Variants in ZNF714 observed in about 807,000 individuals in gnomAD.
The protein encoded by ZNF714 is zinc finger protein 714.
A neutral mutation model predicts 46.2 loss-of-function variants in ZNF714; 32 were observed. The ratio of observed to expected loss-of-function variants is 0.69; its 90% CI spans 0.52 to 0.93. The LOEUF is 0.93. ZNF714 is among the 40% of genes least tolerant of loss of function. ZNF714 has a pLI of 0.00. For synonymous variants in ZNF714, 199 were observed against 213.1 expected, an observed-to-expected ratio of 0.93 and a Z score of 0.58; for missense variants, 635 against 646.3, an observed-to-expected ratio of 0.98 and a Z score of 0.19.
At chr19:21,110,819 C>T (rs1718421677) in intron 4 of ZNF714, among the ~76,000 whole-genome samples, 1 of 152,148 alleles carries the variant, frequency 6.6e-6, no homozygotes, top group Non-Finnish European at 1.5e-5. Context: ...AGCTAGTTCT[C>T]CCAGCACCAT....
At chr19:21,106,008 TG>T (rs1289929349) in intron 4 of ZNF714, among the ~76,000 whole-genome samples, 1 of 151,736 alleles carries the variant, frequency 6.6e-6, no homozygotes, top group Non-Finnish European at 1.5e-5. Flanking sequence ...TCCAGCATGT[TG>T]GGAGGCTAAG....
Position 21,122,311 on chromosome 19 carries a change from C to G in ZNF714, c.*3979C>G, listed in dbSNP as rs888595850. On this transcript the variant is annotated 3_prime_UTR_variant, in exon 5 of 5. Transcript: ENST00000456283. ...CAGTGGTGAAGAAATAAGATTGATT[C>G]TTCATATGGAGTGGACATTTTTTCC... is the stretch of plus-strand genomic sequence containing the variant. The G allele has an allele frequency of 1.3e-5, 2 of 152,100 alleles. No individual in the cohort carries two copies. Among genetic ancestry groups the G allele is most frequent in the African/African-American group, 4.8e-5 (2 of 41,430 alleles). 9.4% of individuals were successfully genotyped at this position (152,100 alleles called of 1,614,324 possible). A position where few individuals can be genotyped will look rare whatever the true frequency, so the allele number is the denominator to read the frequency against.
intron 4 of ZNF714, among the ~76,000 whole-genome samples, chr19:21,100,789 C>A (rs1008602535): frequency 6.6e-6 from 1 of 152,100 alleles, no homozygotes; most frequent in African/African-American, 2.4e-5. Flanking sequence ...TAGCTCACTG[C>A]AACCTCCACC....
chr19:21,111,968 C>T (rs1969458306), intron 4 of ZNF714, among the ~76,000 whole-genome samples: 1 of 152,082 alleles, frequency 6.6e-6, no homozygotes, highest in Non-Finnish European at 1.5e-5. Context: ...TAATGTGTTG[C>T]TAGATTCAGT....
chr19:21,086,430 T>A (rs982355841), intron 2 of ZNF714, among the ~76,000 whole-genome samples: 1 of 152,212 alleles, frequency 6.6e-6, no homozygotes, highest in Non-Finnish European at 1.5e-5. Context: ...TATGCTTATT[T>A]CTTGATTATA....
At chr19:21,112,584 A>T in intron 4 of ZNF714, among the ~76,000 whole-genome samples, 1 of 146,406 alleles carries the variant, frequency 6.8e-6, no homozygotes, top group East Asian at 2.0e-4. Context: ...CTTCACTTCC[A>T]GTCTGAATCT....
At chr19:21,105,913 C>CCAT (rs1969299609) in intron 4 of ZNF714, among the ~76,000 whole-genome samples, 1 of 151,828 alleles carries the variant, frequency 6.6e-6, no homozygotes, top group Admixed American at 6.6e-5. Flanking sequence ...CGAGATCATG[C>CCAT]CACTGCACTC....
chr19:21,101,612 A>C (rs978660581), intron 4 of ZNF714, among the ~76,000 whole-genome samples: 1 of 152,112 alleles, frequency 6.6e-6, no homozygotes, highest in African/African-American at 2.4e-5. Flanking sequence ...ACTGGTCATG[A>C]ACTGTGGCTC....
At chr19:21,091,750 TAAACATAACTACAGTG>T (rs1968914781) in intron 2 of ZNF714, 1 of 151,810 alleles carries the variant, frequency 6.6e-6, no homozygotes, top group African/African-American at 2.4e-5. Flanking sequence ...AATAAACTAG[TAAACATAACTACAGTG>T]TTTTGCTGAG....
At position 21,098,218 on chromosome 19, in the gene ZNF714, TTC is replaced by T; in HGVS notation, c.-45_-44del. The stretch of plus-strand genomic sequence containing the variant: ...GACATTTAGGGATGTGGCCATAGAA[TTC>T]TCTCTGGAGGAGTGGGAATGCCTGA... On this transcript the variant is annotated 5_prime_UTR_variant, in exon 3 of 5. Transcript: ENST00000456283. 6.2e-7 allele frequency: 1 copy of T among 1,612,470 alleles called. No individual in the cohort carries two copies. Among genetic ancestry groups the T allele is most frequent in the African/African-American group, 1.3e-5 (1 of 74,894 alleles).
intron 4 of ZNF714, among the ~76,000 whole-genome samples, chr19:21,108,695 G>A (rs1357608887): frequency 6.6e-6 from 1 of 152,158 alleles, no homozygotes; most frequent in Non-Finnish European, 1.5e-5. Flanking sequence ...TGAGCTGTGA[G>A]CCAAATAAAC....
At chr19:21,089,141 T>C (rs1486065125) in intron 2 of ZNF714, among the ~76,000 whole-genome samples, 1 of 152,148 alleles carries the variant, frequency 6.6e-6, no homozygotes, top group African/African-American at 2.4e-5. Context: ...GATAATGCAA[T>C]GCAAAACAGA....
Position 21,082,246 on chromosome 19 carries a change from C to T in ZNF714, c.-279C>T, listed in dbSNP as rs979190901. ...AGCTGCAGGTCTCGCCTTCACTGCCCTGTGTCCTCTGCTCGCAGAGGCCCA... is the reference window on the plus strand; with the variant it reads ...AGCTGCAGGTCTCGCCTTCACTGCCTTGTGTCCTCTGCTCGCAGAGGCCCA... On this transcript the variant is annotated 5_prime_UTR_variant, in exon 1 of 5. Coordinates refer to ENST00000456283, the MANE Select transcript of ZNF714 (RefSeq NM_182515.4). 9.4e-6 allele frequency: 12 copies of T among 1,275,386 alleles called. No individual in the cohort carries two copies. The highest frequency in any genetic ancestry group is 9.4e-5 in the Admixed American group (5 of 53,218). The allele number at this position is 1,275,386 out of a possible 1,614,324, so 79.0% of individuals were successfully genotyped here.
rs899699691 is a variant in ZNF714, at chr19:21,118,147, A to C, written c.1483A>C (p.Thr495Pro). Residue 495 changes from threonine (T) to proline (P), a missense_variant, in exon 5 of 5, where the codon ACT becomes CCT. By Grantham distance (38) the Thr-to-Pro change is conservative. Transcript: ENST00000456283. ...TGGTAAAGCCTTTAACCAATCCTCA[A>C]CTCTTACTAAACATAGGAAAATTCA... Reference protein sequence around the residue: ...ECGKAFNQSSTLTKHRKIQQG... With the variant: ...ECGKAFNQSSPLTKHRKIQQG... The C allele has an allele frequency of 7.4e-6, 12 of 1,613,494 alleles. No homozygotes were observed. The highest frequency in any genetic ancestry group is 3.3e-5 in the Admixed American group (2 of 59,948).
rs1969741917 is a variant in ZNF714 at position 21,123,455 on chromosome 19, C to T, written c.*5123C>T. Among the ~76,000 whole-genome samples, 1 of 151,950 alleles carries T rather than the reference C, an allele frequency of 6.6e-6. No homozygotes were observed. The highest frequency in any genetic ancestry group is 1.5e-5 in the Non-Finnish European group (1 of 67,990). ...CTGCAAGCTCCGCCTTCCGGGTTCA[C>T]GCCATTCTCCCGCCTCAGCCTCCCG... On this transcript the variant is annotated 3_prime_UTR_variant, in exon 5 of 5. Coordinates refer to ENST00000456283, the MANE Select transcript of ZNF714 (RefSeq NM_182515.4).
In ZNF714 at chr19:21,090,376, T is replaced by C. The variant is rs538542127; in HGVS notation, c.-85+6307T>C. Among the ~76,000 whole-genome samples, 11 of 152,302 alleles carry C rather than the reference T, an allele frequency of 7.2e-5. No individual in the cohort carries two copies. The South Asian group carries it at 2.1e-3, about 29-fold the overall frequency. On this transcript the variant is annotated intron_variant, in intron 2 of 4. Coordinates refer to ENST00000456283, the MANE Select transcript of ZNF714 (RefSeq NM_182515.4). ...CCATTAGCACTTAAGTTTTCCTTTT[T>C]GGAGAAGAAAAATATCCCTATGTCC...
rs967967276 is a variant in ZNF714 at position 21,119,490 on chromosome 19, C to T, written c.*1158C>T. On this transcript the variant is annotated 3_prime_UTR_variant, in exon 5 of 5. Transcript: ENST00000456283. Reference sequence around the variant, plus strand: ...TATAAAGTGGGTAGTAGTGCCTTTACTTGTATCACAGATCTTATTGTAGAC... The same window carrying T: ...TATAAAGTGGGTAGTAGTGCCTTTATTTGTATCACAGATCTTATTGTAGAC... 1 of 154,012 alleles carries T rather than the reference C, an allele frequency of 6.5e-6. No homozygotes were observed. Among genetic ancestry groups the T allele is most frequent in the Non-Finnish European group, 1.4e-5 (1 of 69,134 alleles). The allele number at this position is 154,012 out of a possible 1,614,324, so 9.5% of individuals were successfully genotyped here.
At position 21,117,200 on chromosome 19, in the gene ZNF714, A is replaced by G. The variant is rs1969616729; in HGVS notation, c.536A>G (p.Asp179Gly). 1.2e-5 allele frequency: 19 copies of G among 1,614,062 alleles called. No homozygotes were observed. In the East Asian group the frequency reaches 4.2e-4, roughly 36 times the overall value. The change falls in exon 5 of 5, where the codon GAC becomes GGC. Residue 179 changes from aspartate (D) to glycine (G), a missense_variant. Asp to Gly is a moderately conservative substitution (Grantham distance 94). Transcript: ENST00000456283. ...RENSYQCEEC[D>G]KVFKRFSTLT... ...AATTCTTACCAATGTGAAGAATGTG[A>G]CAAAGTGTTTAAGCGGTTCTCAACC...
chr19:21,118,877 TG>T lies in ZNF714; in HGVS notation c.*546del. 4.7e-6 allele frequency: 1 copy of T among 212,112 alleles called. No individual in the cohort carries two copies. 13.1% of individuals were successfully genotyped at this position (212,112 alleles called of 1,614,324 possible). On this transcript the variant is annotated 3_prime_UTR_variant, in exon 5 of 5. Transcript: ENST00000456283. ...AAAGCCTTTAAATGGTTGTCACACT[TG>T]ATTGTAGGTAAGATAATTCATACTG...
Sources: gnomAD v4.1 joint callset for allele counts (sites outside exome capture counted in the v4.1 genomes callset) on GRCh38, gnomAD v4.1.1 for gene constraint, MANE v1.5 for transcripts, NCBI Gene and HGNC (gene_info 2026-07-23, HGNC 2026-07-21) for gene names.